ARHGAP22: variants seen among roughly 807,000 people sequenced by gnomAD.
ARHGAP22 encodes the protein rho GTPase-activating protein 22.
In ARHGAP22, 48 loss-of-function variants were observed where a neutral mutation model predicts 59.1. The observed-to-expected ratio is 0.81, with a 90% CI of 0.64 to 1.03. The LOEUF (loss-of-function observed/expected upper bound fraction) is 1.03. Among genes scored for constraint, ARHGAP22 ranks in the 50% least tolerant of loss-of-function variants. ARHGAP22 has a pLI of 0.00. For missense variants in ARHGAP22, 1,015 were observed against 958.7 expected (o/e 1.06, Z -0.78); for synonymous variants, 445 against 416.4 (o/e 1.07, Z -0.84).
intron 1 of ARHGAP22, among the ~76,000 whole-genome samples, chr10:48,642,319 G>A (rs1453604342): frequency 3.3e-5 from 5 of 152,218 alleles, no homozygotes; most frequent in East Asian, 3.9e-4. Context: ...GAGGCATCAC[G>A]CTACCTGACT....
chr10:48,508,214 C>T (rs747758411), intron 3 of ARHGAP22, among the ~76,000 whole-genome samples: 5 of 152,200 alleles, frequency 3.3e-5, no homozygotes, highest in Non-Finnish European at 7.4e-5. Context: ...GACTCCCAGG[C>T]AGAACTTCCC....
intron 1 of ARHGAP22, among the ~76,000 whole-genome samples, chr10:48,646,267 G>A (rs2062292431): frequency 6.6e-6 from 1 of 152,156 alleles, no homozygotes; most frequent in African/African-American, 2.4e-5. Context: ...ATCTTCCAAT[G>A]AATCTACAAA....
intron 3 of ARHGAP22, among the ~76,000 whole-genome samples, chr10:48,482,684 T>C (rs1039789013): frequency 3.9e-5 from 6 of 152,250 alleles, no homozygotes; most frequent in African/African-American, 1.4e-4. Context: ...TACATATTTA[T>C]GGAGTACATG....
chr10:48,536,340 G>C (rs1397251845), intron 3 of ARHGAP22, among the ~76,000 whole-genome samples: 1 of 152,232 alleles, frequency 6.6e-6, no homozygotes, highest in Non-Finnish European at 1.5e-5. Flanking sequence ...GGGCTGCCAA[G>C]TCTCTGCAGG....
intron 3 of ARHGAP22, among the ~76,000 whole-genome samples, chr10:48,517,607 T>C (rs1198438153): frequency 6.6e-6 from 1 of 152,120 alleles, no homozygotes; most frequent in East Asian, 1.9e-4. Context: ...TTCCTCAGGA[T>C]TGGTTCCTCT....
intron 3 of ARHGAP22, among the ~76,000 whole-genome samples, chr10:48,515,794 T>C (rs2053229512): frequency 6.6e-6 from 1 of 152,316 alleles, no homozygotes; most frequent in South Asian, 2.1e-4. Context: ...TTCACAAATA[T>C]GTGGAAACTG....
chr10:48,518,761 G>A (rs1010789969), intron 3 of ARHGAP22, among the ~76,000 whole-genome samples: 11 of 152,234 alleles, frequency 7.2e-5, no homozygotes, highest in African/African-American at 2.4e-5. Flanking sequence ...GAGTTGAGGA[G>A]GGTCCATGTG....
chr10:48,527,935 T>G (rs1030448912), intron 3 of ARHGAP22, among the ~76,000 whole-genome samples: 1 of 152,140 alleles, frequency 6.6e-6, no homozygotes, highest in African/African-American at 2.4e-5. Flanking sequence ...GGGGTGGATA[T>G]CCAGTGGGCA....
chr10:48,621,005 A>G (rs1392638249), intron 1 of ARHGAP22, among the ~76,000 whole-genome samples: 1 of 152,266 alleles, frequency 6.6e-6, no homozygotes, highest in Non-Finnish European at 1.5e-5. Context: ...CAAGAGGTGA[A>G]GAGCAGGATG....
At chr10:48,445,667 T>A (rs1261455054), downstream of ARHGAP22, 1 of 152,520 alleles carries the variant, frequency 6.6e-6, no homozygotes, top group African/African-American at 2.4e-5. Flanking sequence ...GTGGCCACAC[T>A]TGCCCACACC....
Position 48,604,930 on chromosome 10 carries a change from G to A in ARHGAP22, c.-134C>T, listed in dbSNP as rs1158431093. 2.6e-6 allele frequency: 4 copies of A among 1,551,326 alleles called. No individual in the cohort carries two copies. Among genetic ancestry groups the A allele is most frequent in the Non-Finnish European group, 3.5e-6 (4 of 1,151,932 alleles). On this transcript the variant is annotated 5_prime_UTR_variant, in exon 1 of 10. Coordinates refer to ENST00000249601, the MANE Select transcript of ARHGAP22 (RefSeq NM_021226.4). ...CCGTGGCCGCTGGCGTCACCCGTCAGGCTCCCTCGGCTACCTCTCCTGGCT... is the reference window on the plus strand; with the variant it reads ...CCGTGGCCGCTGGCGTCACCCGTCAAGCTCCCTCGGCTACCTCTCCTGGCT...
intron 3 of ARHGAP22, among the ~76,000 whole-genome samples, chr10:48,482,131 T>A (rs1232939177): frequency 6.6e-6 from 1 of 152,228 alleles, no homozygotes; most frequent in Non-Finnish European, 1.5e-5. Flanking sequence ...AATTAATCAT[T>A]TTTTTCGTTT....
chr10:48,466,330 T>C (rs890562488), intron 4 of ARHGAP22, among the ~76,000 whole-genome samples: 2 of 151,860 alleles, frequency 1.3e-5, no homozygotes, highest in Non-Finnish European at 2.9e-5. Flanking sequence ...CAGCAGGAGA[T>C]TGAAGGACGC....
chr10:48,462,323 G>A (rs573075390), intron 4 of ARHGAP22, among the ~76,000 whole-genome samples: 1 of 151,924 alleles, frequency 6.6e-6, no homozygotes, highest in South Asian at 2.1e-4. Context: ...GTGCTGTTCT[G>A]AGCATTTTAC....
At chr10:48,653,168 C>A (rs184043810), upstream of ARHGAP22, among the ~76,000 whole-genome samples, 3 of 152,360 alleles carry the variant, frequency 2.0e-5, no homozygotes, top group Non-Finnish European at 4.4e-5. Flanking sequence ...TTCTTCCTAG[C>A]ACCCTCCTTG....
rs190475624 is a variant in ARHGAP22, at chr10:48,526,376, G to A, written c.322+29087C>T. Among the ~76,000 whole-genome samples, 9 of 152,346 alleles carry A rather than the reference G, an allele frequency of 5.9e-5. No homozygotes were observed. In the East Asian group the frequency reaches 1.5e-3, roughly 26 times the overall value. On this transcript the variant is annotated intron_variant, in intron 3 of 9. Coordinates refer to ENST00000249601, the MANE Select transcript of ARHGAP22 (RefSeq NM_021226.4). ...AGAAAGACCAGGGTGAGGCTTCGGG[G>A]AGAGAGAAGGGTTTTCCTGCGTTAG...
At chr10:48,584,046 C>T (rs1422576478) in intron 1 of ARHGAP22, among the ~76,000 whole-genome samples, 1 of 152,212 alleles carries the variant, frequency 6.6e-6, no homozygotes, top group African/African-American at 2.4e-5. Flanking sequence ...AGGGAAGCTC[C>T]TCTCCTCTCT....
rs1205487742 is a variant in ARHGAP22 at position 48,451,085 on chromosome 10, G to A, written c.1044C>T (p.Leu348=). 1.3e-6 allele frequency: 2 copies of A among 1,552,992 alleles called. No homozygotes were observed. Among genetic ancestry groups the A allele is most frequent in the East Asian group, 2.4e-5 (1 of 41,030 alleles). The change falls in exon 9 of 10, where the codon CTC becomes CTT. Residue 348 remains leucine, a synonymous_variant. Transcript: ENST00000249601. Reference sequence around the variant, plus strand: ...GCCCTTCCGGGACCGGTGCCGTGAAGAGCTGGCTGTGTTTGCGGATGAGGA... The same window carrying A: ...GCCCTTCCGGGACCGGTGCCGTGAAAAGCTGGCTGTGTTTGCGGATGAGGA... ...MTVLIRKHSQ[L]FTAPVPEGPT...
chr10:48,649,516 C>T (rs7893181), intron 1 of ARHGAP22, among the ~76,000 whole-genome samples: 1,557 of 152,304 alleles, frequency 0.01, 34 homozygotes, highest in African/African-American at 0.036. Flanking sequence ...CAGAGGCCAC[C>T]GTCTTTCTCT....
Sources: allele counts gnomAD v4.1 joint callset (sites outside exome capture counted in the v4.1 genomes callset), GRCh38; gene constraint gnomAD v4.1.1; transcripts MANE v1.5; gene names NCBI Gene and HGNC (gene_info 2026-07-23, HGNC 2026-07-21).